The following PKHD1 variants were observed in gnomAD, a reference collection of about 807,000 sequenced individuals.
PKHD1 encodes PKHD1 ciliary IPT domain containing fibrocystin/polyductin, also known as fibrocystin.
In PKHD1, 291 loss-of-function variants were observed where a neutral mutation model predicts 412.0. That is an observed-to-expected ratio of 0.71 (90% CI 0.64 to 0.78). PKHD1 has a LOEUF of 0.78. Among genes scored for constraint, PKHD1 ranks in the 30% least tolerant of loss-of-function variants. PKHD1 has a pLI of 0.00. For missense variants in PKHD1, 4,825 were observed against 4,950.7 expected, an observed-to-expected ratio of 0.97 and a Z score of 0.76; for synonymous variants, 1,777 against 1,821.5, an observed-to-expected ratio of 0.98 and a Z score of 0.62.
chr6:51,849,684 ATGTCTTCTTTTGAGAAATGTC>A (rs1224361649), intron 49 of PKHD1, among the ~76,000 whole-genome samples: 1 of 152,148 alleles, frequency 6.6e-6, no homozygotes, highest in Non-Finnish European at 1.5e-5. Flanking sequence ...GGCCGCGTAA[ATGTCTTCTTTTGAGAAATGTC>A]TGTTCATATC....
chr6:51,935,146 C>A (rs1787267086), intron 36 of PKHD1, among the ~76,000 whole-genome samples: 1 of 152,120 alleles, frequency 6.6e-6, no homozygotes, highest in African/African-American at 2.4e-5. Context: ...TACCCAATAC[C>A]TTCCCAATAC....
intron 60 of PKHD1, among the ~76,000 whole-genome samples, chr6:51,677,662 T>C (rs1776059640): frequency 6.6e-6 from 1 of 152,198 alleles, no homozygotes; most frequent in African/African-American, 2.4e-5. Context: ...AGACTTTCTG[T>C]TAAAGGCCTT....
intron 19 of PKHD1, among the ~76,000 whole-genome samples, chr6:52,055,339 G>T (rs1044951275): frequency 3.3e-5 from 5 of 152,192 alleles, no homozygotes; most frequent in Non-Finnish European, 4.4e-5. Context: ...AAATATTGTA[G>T]CAAATAAAAA....
chr6:51,791,455 G>T, intron 52 of PKHD1, 82 bp from the exon 53 acceptor site: 1 of 1,326,486 alleles, frequency 7.5e-7, no homozygotes, highest in Non-Finnish European at 1.1e-6. Flanking sequence ...CAGCAGTTTG[G>T]GAGCTGTGTA....
intron 43 of PKHD1, among the ~76,000 whole-genome samples, chr6:51,889,995 T>G (rs1778858710): frequency 6.7e-6 from 1 of 150,078 alleles, no homozygotes; most frequent in African/African-American, 2.5e-5. Flanking sequence ...TATGGTGGAT[T>G]TTTTTTTTCC....
intron 22 of PKHD1, among the ~76,000 whole-genome samples, chr6:52,049,467 T>C (rs757331319): frequency 2.6e-5 from 4 of 152,110 alleles, no homozygotes; most frequent in East Asian, 1.9e-4. Context: ...ACACTGTGAA[T>C]ATATATATCC....
chr6:51,943,163 T>A (rs981002286), intron 36 of PKHD1, among the ~76,000 whole-genome samples: 1 of 151,378 alleles, frequency 6.6e-6, no homozygotes, highest in Non-Finnish European at 1.5e-5. Context: ...TTTCTCAGGC[T>A]CTTCGTATTC....
At chr6:51,761,217 C>T (rs1487410713) in intron 55 of PKHD1, among the ~76,000 whole-genome samples, 1 of 151,994 alleles carries the variant, frequency 6.6e-6, no homozygotes, top group African/African-American at 2.4e-5. Flanking sequence ...ATGCAGTATA[C>T]ACATACACTC....
chr6:51,892,745 TA>T (rs1779306689), intron 43 of PKHD1, among the ~76,000 whole-genome samples: 1 of 152,194 alleles, frequency 6.6e-6, no homozygotes, highest in South Asian at 2.1e-4. Context: ...TTAAAACCAT[TA>T]GATGAGGCAT....
chr6:51,759,250 C>T (rs1269883777), intron 55 of PKHD1, among the ~76,000 whole-genome samples: 54 of 152,090 alleles, frequency 3.6e-4, no homozygotes, highest in Non-Finnish European at 2.9e-5. Flanking sequence ...AATTATTTGT[C>T]TACCTGACTT....
chr6:52,045,381 T>C (rs562023104), intron 24 of PKHD1, among the ~76,000 whole-genome samples: 1 of 152,356 alleles, frequency 6.6e-6, no homozygotes, highest in East Asian at 1.9e-4. Context: ...TTCCATTTTA[T>C]ATGTTTGCAA....
chr6:52,053,337 G>C, intron 20 of PKHD1, 86 bp from the exon 21 acceptor site: 1 of 1,374,510 alleles, frequency 7.3e-7, no homozygotes, highest in Non-Finnish European at 1.0e-6. Context: ...AACCTGGGGG[G>C]CCTGTGAGCT....
At chr6:51,646,643 C>A (rs1770119935) in intron 63 of PKHD1, among the ~76,000 whole-genome samples, 1 of 152,116 alleles carries the variant, frequency 6.6e-6, no homozygotes, top group Non-Finnish European at 1.5e-5. Context: ...GCTTTTTGCT[C>A]CCAATCCAGT....
intron 52 of PKHD1, among the ~76,000 whole-genome samples, chr6:51,801,487 G>A (rs988179468): frequency 6.7e-6 from 1 of 149,602 alleles, no homozygotes; most frequent in African/African-American, 2.5e-5. Flanking sequence ...ATCCACACAG[G>A]TGGTTTCTTT....
intron 63 of PKHD1, among the ~76,000 whole-genome samples, chr6:51,641,275 G>A (rs1452891244): frequency 1.3e-5 from 2 of 152,142 alleles, no homozygotes; most frequent in South Asian, 2.1e-4. Context: ...CTTAAAAAAG[G>A]TAATAGTGAC....
chr6:51,844,991 T>A (rs1770896216), intron 50 of PKHD1, among the ~76,000 whole-genome samples: 1 of 152,250 alleles, frequency 6.6e-6, no homozygotes, highest in Admixed American at 6.5e-5. Flanking sequence ...ATTAAATGTA[T>A]TTTATGTAAA....
chr6:51,888,084 C>T (rs1321514), intron 43 of PKHD1, among the ~76,000 whole-genome samples: 52,400 of 152,030 alleles, frequency 0.34, 10,001 homozygotes, highest in East Asian at 0.74. Flanking sequence ...AACAACTCAA[C>T]GATTTGTCTA....
intron 39 of PKHD1, among the ~76,000 whole-genome samples, chr6:51,910,551 T>C (rs1367494529): frequency 6.6e-6 from 1 of 152,142 alleles, no homozygotes; most frequent in Non-Finnish European, 1.5e-5. Context: ...TTTGAGAATA[T>C]TGTAGTTGTA....
chr6:52,078,551 C>T (rs1009106563), intron 5 of PKHD1, among the ~76,000 whole-genome samples: 3 of 152,202 alleles, frequency 2.0e-5, no homozygotes, highest in East Asian at 3.9e-4. Context: ...CAAAGAGACA[C>T]GCCGTGTTTT....
Sources: gnomAD v4.1 joint callset for allele counts (sites outside exome capture counted in the v4.1 genomes callset) on GRCh38, gnomAD v4.1.1 for gene constraint, MANE v1.5 for transcripts, NCBI Gene and HGNC (gene_info 2026-07-23, HGNC 2026-07-21) for gene names.